The following MUCL1 variants were observed in gnomAD, a reference collection of about 807,000 sequenced individuals.
MUCL1 encodes the protein mucin like 1, also known as mucin-like protein 1.
In MUCL1, 11 loss-of-function variants were observed where a neutral mutation model predicts 9.2. That is an observed-to-expected ratio of 1.19 (90% CI 0.75 to 1.97). The LOEUF (loss-of-function observed/expected upper bound fraction) is 1.97, where lower values mean the gene tolerates loss of function less well. MUCL1 is among the 30% of genes most tolerant of loss of function. The pLI, the probability that MUCL1 is intolerant of heterozygous loss-of-function variation, is 0.00. For missense variants in MUCL1, 144 were observed against 110.9 expected, an observed-to-expected ratio of 1.30 and a Z score of -1.34; for synonymous variants, 48 against 40.5, an observed-to-expected ratio of 1.19 and a Z score of -0.71.
chr12:54,844,769 T>C (rs1012944541), intron 1 of MUCL1, among the ~76,000 whole-genome samples: 6 of 152,268 alleles, frequency 3.9e-5, no homozygotes, highest in African/African-American at 1.4e-4. Context: ...TCTTCTTTCT[T>C]GCAATTTGTC....
rs752903584 is a variant in MUCL1 at position 54,856,757 on chromosome 12, C to G, written c.101-13C>G. The G allele has an allele frequency of 5.0e-6, 8 of 1,601,856 alleles. No individual in the cohort carries two copies. Among genetic ancestry groups the G allele is most frequent in the Non-Finnish European group, 5.1e-6 (6 of 1,173,910 alleles). ...GAGTCAGTCTCACCTAGAGCTTTTC[C>G]TTCTAATTTCAGCTGGTCCTGCTGA... On this transcript the variant is annotated splice_polypyrimidine_tract_variant and intron_variant, in intron 2 of 3. Coordinates refer to ENST00000308796, the MANE Select transcript of MUCL1 (RefSeq NM_058173.3).
intron 1 of MUCL1, among the ~76,000 whole-genome samples, chr12:54,849,213 T>TA (rs1292724602): frequency 2.0e-5 from 3 of 152,188 alleles, no homozygotes; most frequent in Admixed American, 6.5e-5. Context: ...TGCATCTACA[T>TA]ATATTTGCCT....
chr12:54,855,064 C>A, intron 1 of MUCL1, 52 bp from the exon 2 acceptor site: 1 of 1,513,112 alleles, frequency 6.6e-7, no homozygotes, highest in Non-Finnish European at 9.2e-7. Context: ...TTACCTCCAT[C>A]CTCCAAACTG....
chr12:54,851,479 C>T (rs1959339211), upstream of MUCL1, among the ~76,000 whole-genome samples: 1 of 152,140 alleles, frequency 6.6e-6, no homozygotes, highest in Non-Finnish European at 1.5e-5. Flanking sequence ...TAAAAACTCT[C>T]AATAAATTAG....
upstream of MUCL1, among the ~76,000 whole-genome samples, chr12:54,851,668 G>A (rs933991247): frequency 6.6e-6 from 1 of 152,178 alleles, no homozygotes; most frequent in Non-Finnish European, 1.5e-5. Context: ...GGGCGATCAG[G>A]CAGGAGAAGG....
upstream of MUCL1, among the ~76,000 whole-genome samples, chr12:54,838,655 A>T (rs1959197436): frequency 6.6e-6 from 1 of 151,702 alleles, no homozygotes. Context: ...TTTCTGATTG[A>T]GTTAATTCAA....
intron 1 of MUCL1, among the ~76,000 whole-genome samples, chr12:54,842,148 C>A (rs922849004): frequency 1.3e-5 from 2 of 151,984 alleles, no homozygotes; most frequent in African/African-American, 4.8e-5. Context: ...TTTTCCTGTT[C>A]ATTTGTATTT....
intron 1 of MUCL1, among the ~76,000 whole-genome samples, chr12:54,847,724 G>A (rs1303529170): frequency 6.6e-6 from 1 of 152,204 alleles, no homozygotes; most frequent in Non-Finnish European, 1.5e-5. Flanking sequence ...ATGAGGTAGT[G>A]ATAATTTTGG....
upstream of MUCL1, among the ~76,000 whole-genome samples, chr12:54,836,482 C>G (rs1236452908): frequency 1.3e-5 from 2 of 152,156 alleles, no homozygotes; most frequent in South Asian, 4.1e-4. Context: ...TCTCTCTTTT[C>G]TTGGTTAATC....
upstream of MUCL1, chr12:54,839,268 T>C: frequency 4.5e-6 from 3 of 667,298 alleles, no homozygotes; most frequent in Middle Eastern, 3.9e-4. Flanking sequence ...ATGCTTGGTG[T>C]GTGAGCAGGT....
rs761731578 is a variant in MUCL1 at position 54,856,889 on chromosome 12, C to T, written c.220C>T (p.Pro74Ser). ...AASTTARKDI[P>S]VLPKWVGDLP... Reference sequence around the variant, plus strand: ...TTCTACCACTGCTCGTAAAGACATTCCAGGTAGCAAGACTCCTCCATCTGT... The same window carrying T: ...TTCTACCACTGCTCGTAAAGACATTTCAGGTAGCAAGACTCCTCCATCTGT... The change falls in exon 3 of 4, where the codon CCA becomes TCA. Residue 74 changes from proline (P) to serine (S), a missense_variant. Pro to Ser is a moderately conservative substitution (Grantham distance 74). Coordinates refer to ENST00000308796, the MANE Select transcript of MUCL1 (RefSeq NM_058173.3). 1 of 1,613,750 alleles carries T rather than the reference C, an allele frequency of 6.2e-7. No individual in the cohort carries two copies. Among genetic ancestry groups the T allele is most frequent in the Non-Finnish European group, 8.5e-7 (1 of 1,179,790 alleles).
chr12:54,832,849 T>G (rs750333758), intron 1 of MUCL1, among the ~76,000 whole-genome samples: 6 of 152,110 alleles, frequency 3.9e-5, no homozygotes, highest in Non-Finnish European at 7.4e-5. Flanking sequence ...TAAAATGCTA[T>G]TTTCAAGAAA....
chr12:54,839,175 C>T (rs1254104895), upstream of MUCL1, among the ~76,000 whole-genome samples: 3 of 151,668 alleles, frequency 2.0e-5, no homozygotes, highest in Non-Finnish European at 4.4e-5. Context: ...TGGGTGCTTT[C>T]AAATATGAAG....
At chr12:54,846,586 G>A (rs1165520798) in intron 1 of MUCL1, among the ~76,000 whole-genome samples, 2 of 152,168 alleles carry the variant, frequency 1.3e-5, no homozygotes, top group East Asian at 3.9e-4. Context: ...ATAGCAGTGA[G>A]TGGGATGAGC....
upstream of MUCL1, among the ~76,000 whole-genome samples, chr12:54,835,016 T>C (rs2121479540): frequency 6.6e-6 from 1 of 152,274 alleles, no homozygotes; most frequent in Non-Finnish European, 1.5e-5. Context: ...TTTCCATTCC[T>C]GAGTTACTTC....
chr12:54,849,205 C>T (rs770648681), intron 1 of MUCL1, among the ~76,000 whole-genome samples: 32 of 152,022 alleles, frequency 2.1e-4, no homozygotes, highest in East Asian at 3.8e-4. Flanking sequence ...TGGTCACTTG[C>T]ATCTACATAT....
At chr12:54,840,435 T>C (rs774783122) in intron 1 of MUCL1, among the ~76,000 whole-genome samples, 1 of 152,230 alleles carries the variant, frequency 6.6e-6, no homozygotes, top group African/African-American at 2.4e-5. Context: ...GATGCTGTAA[T>C]GGACTGTGTC....
intron 1 of MUCL1, among the ~76,000 whole-genome samples, chr12:54,833,536 T>C (rs1209447199): frequency 6.6e-6 from 1 of 152,112 alleles, no homozygotes; most frequent in Non-Finnish European, 1.5e-5. Context: ...TTATTGGTCA[T>C]AAAGATATCC....
At chr12:54,856,625 G>A (rs1172016418) in intron 2 of MUCL1, 145 bp from the exon 3 acceptor site, 6 of 1,102,938 alleles carry the variant, frequency 5.4e-6, no homozygotes, top group Non-Finnish European at 7.7e-6. Context: ...AAGGAAAGTA[G>A]GCAGGTAGGC....
Sources: allele counts gnomAD v4.1 joint callset (sites outside exome capture counted in the v4.1 genomes callset), GRCh38; gene constraint gnomAD v4.1.1; transcripts MANE v1.5; gene names NCBI Gene and HGNC (gene_info 2026-07-23, HGNC 2026-07-21).